Variants in SF3B3 observed in about 807,000 individuals in gnomAD.
The protein encoded by SF3B3 is SAP 130.
Under a neutral mutation model 139.2 loss-of-function variants are expected in SF3B3, and 33 were observed. The observed-to-expected ratio is 0.24, with a 90% CI of 0.18 to 0.32. The LOEUF is 0.32. Ranked by LOEUF, SF3B3 falls within the 10% of genes least tolerant of loss-of-function variation. SF3B3 has a pLI of 1.00. For missense variants in SF3B3, 818 were observed against 1,509.4 expected, an observed-to-expected ratio of 0.54 and a Z score of 7.59; for synonymous variants, 596 against 563.6, an observed-to-expected ratio of 1.06 and a Z score of -0.81.
intron 21 of SF3B3, 64 bp from the exon 22 acceptor site, chr16:70,568,219 G>A (rs2050495325): frequency 1.6e-6 from 2 of 1,263,764 alleles, no homozygotes; most frequent in South Asian, 1.2e-5. Context: ...GGAAAGCTGG[G>A]CTTTCTTTGG....
rs532130782 is a variant in SF3B3, at chr16:70,529,136, T to G, written c.334T>G (p.Cys112Gly). ...IHQETFGKSG[C>G]RRIVPGQFLA... ...CCAAGAAACCTTTGGCAAGAGTGGA[T>G]GCCGTCGCATCGTTCCTGGCCAGTT... is the stretch of plus-strand genomic sequence containing the variant. Residue 112 changes from cysteine (C) to glycine (G), a missense_variant, in exon 3 of 26, where the codon TGC (cysteine) becomes GGC (glycine). Coordinates refer to ENST00000302516, the MANE Select transcript of SF3B3 (RefSeq NM_012426.5). The G allele has an allele frequency of 1.9e-6, 3 of 1,614,238 alleles. No homozygotes were observed. The East Asian group carries it at 6.7e-5, about 36-fold the overall frequency.
At chr16:70,560,353 A>G (rs1440459772) in intron 15 of SF3B3, 116 bp from the exon 16 acceptor site, 6 of 1,075,000 alleles carry the variant, frequency 5.6e-6, no homozygotes, top group Non-Finnish European at 7.9e-6. Context: ...TTAAACACCC[A>G]AGTCATTTCT....
In SF3B3 at chr16:70,557,037, A is replaced by G; in HGVS notation, c.2010+8A>G. On this transcript the variant is annotated splice_region_variant and intron_variant, in intron 15 of 25. Coordinates refer to ENST00000302516, the MANE Select transcript of SF3B3 (RefSeq NM_012426.5). ...CTGAATATTGGGCTACAGGTAAGAGATCCAGAGGCCCACATTGTGGACATT... is the reference window on the plus strand; with the variant it reads ...CTGAATATTGGGCTACAGGTAAGAGGTCCAGAGGCCCACATTGTGGACATT... 2 of 1,600,008 alleles carry G rather than the reference A, an allele frequency of 1.2e-6. No individual in the cohort carries two copies. The highest frequency in any genetic ancestry group is 1.7e-6 in the Non-Finnish European group (2 of 1,174,616).
intron 14 of SF3B3, 53 bp downstream of exon 14, chr16:70,556,387 G>A: frequency 6.3e-7 from 1 of 1,598,502 alleles, no homozygotes; most frequent in Non-Finnish European, 8.6e-7. Flanking sequence ...TGAGCATCTG[G>A]CTCCTGATGT....
At chr16:70,541,865 T>C in intron 9 of SF3B3, 31 bp downstream of exon 9, 1 of 1,590,922 alleles carries the variant, frequency 6.3e-7, no homozygotes, top group Non-Finnish European at 8.6e-7. Flanking sequence ...CCTTCCACAA[T>C]AGATCTAAAG....
rs1260396222 is a variant in SF3B3, at chr16:70,544,518, A to G, written c.1314A>G (p.Leu438=). 4 of 1,603,800 alleles carry G rather than the reference A, an allele frequency of 2.5e-6. No individual in the cohort carries two copies. The highest frequency in any genetic ancestry group is 3.4e-6 in the Non-Finnish European group (4 of 1,170,706). Residue 438 remains leucine, a synonymous_variant, in exon 10 of 26, where the codon CTA becomes CTG. Coordinates refer to ENST00000302516, the MANE Select transcript of SF3B3 (RefSeq NM_012426.5). ...GRGPRSSLRV[L]RHGLEVSEMA... Reference sequence around the variant, plus strand: ...GACCCCGATCATCTCTGAGAGTCCTAAGACATGGACTTGAGGTAAGGTTGC... The same window carrying G: ...GACCCCGATCATCTCTGAGAGTCCTGAGACATGGACTTGAGGTAAGGTTGC...
chr16:70,569,022 A>T, intron 22 of SF3B3, 21 bp from the exon 23 acceptor site: 11 of 1,576,488 alleles, frequency 7.0e-6, no homozygotes, highest in Non-Finnish European at 9.5e-6. Flanking sequence ...CAGCAGTGTG[A>T]CTTGTGTCAC....
chr16:70,524,009 G>C (rs962890404), intron 1 of SF3B3, 81 bp downstream of exon 1: 1 of 421,406 alleles, frequency 2.4e-6, no homozygotes, highest in Non-Finnish European at 4.2e-6. Flanking sequence ...AGACTTTGGC[G>C]GGGGTCACGG....
At chr16:70,531,389 T>TGC (rs1237327778) in intron 4 of SF3B3, among the ~76,000 whole-genome samples, 2 of 152,166 alleles carry the variant, frequency 1.3e-5, no homozygotes, top group African/African-American at 4.8e-5. Context: ...CTGCAACCTC[T>TGC]GCCTCAGCCT....
rs1237184764 is a variant in SF3B3 at position 70,565,660 on chromosome 16, TG to T, written c.2826+140del. ...TCTCTTACCAGCACATGGAAAATGC[TG>T]GGGCCTTCTAGCTGCAGTGATGTTC... On this transcript the variant is annotated intron_variant, in intron 20 of 25. Transcript: ENST00000302516. 1.0e-5 allele frequency: 8 copies of T among 774,562 alleles called. No homozygotes were observed. The East Asian group carries it at 1.9e-4, about 18-fold the overall frequency. 48.0% of individuals were successfully genotyped at this position (774,562 alleles called of 1,614,324 possible). A position where few individuals can be genotyped will look rare whatever the true frequency, so the allele number is the denominator to read the frequency against.
intron 1 of SF3B3, among the ~76,000 whole-genome samples, chr16:70,525,565 C>T (rs2050053956): frequency 6.6e-6 from 1 of 152,150 alleles, no homozygotes; most frequent in Non-Finnish European, 1.5e-5. Context: ...AGAAGCAGCT[C>T]CTAGCTTCCT....
intron 22 of SF3B3, among the ~76,000 whole-genome samples, 191 bp from the exon 23 acceptor site, chr16:70,568,852 T>C (rs1277922844): frequency 6.6e-6 from 1 of 152,232 alleles, no homozygotes; most frequent in Admixed American, 6.5e-5. Context: ...CATGGGTCGA[T>C]TCTTTTGAGT....
chr16:70,552,113 C>T (rs1176997837), intron 11 of SF3B3, among the ~76,000 whole-genome samples: 1 of 152,148 alleles, frequency 6.6e-6, no homozygotes, highest in East Asian at 1.9e-4. Flanking sequence ...AGGCACCCCT[C>T]CTCCCTTCTT....
At chr16:70,555,323 C>G in intron 13 of SF3B3, 117 bp downstream of exon 13, 2 of 963,470 alleles carry the variant, frequency 2.1e-6, no homozygotes, top group Non-Finnish European at 3.2e-6. Flanking sequence ...ACTAAAAATA[C>G]AAAAATTAGC....
chr16:70,563,906 C>G lies in SF3B3; in HGVS notation c.2319C>G (p.Val773=), dbSNP rs753759010. ...RILALEKLGA[V]FNQVAFPLQY... ...TGGCATTAGAGAAGCTCGGTGCTGT[C>G]TTCAATCAAGTAGCCTTCCCACTGC... Residue 773 remains valine (V), a synonymous_variant, in exon 18 of 26, where the codon GTC becomes GTG. Coordinates refer to ENST00000302516, the MANE Select transcript of SF3B3 (RefSeq NM_012426.5). The G allele has an allele frequency of 1.3e-5, 21 of 1,613,976 alleles. No homozygotes were observed. Among genetic ancestry groups the G allele is most frequent in the African/African-American group, 4.0e-5 (3 of 74,890 alleles).
At chr16:70,556,746 ACT>A in intron 14 of SF3B3, 138 bp from the exon 15 acceptor site, 1 of 787,160 alleles carries the variant, frequency 1.3e-6, no homozygotes, top group East Asian at 2.7e-5. Context: ...ATAACTCAGT[ACT>A]CTCTTAGAAC....
intron 5 of SF3B3, among the ~76,000 whole-genome samples, chr16:70,533,272 T>C (rs2050138077): frequency 6.6e-6 from 1 of 152,170 alleles, no homozygotes; most frequent in Non-Finnish European, 1.5e-5. Context: ...GGAGCATCAC[T>C]TGATCTCAGG....
Position 70,573,158 on chromosome 16 carries a change from A to T in SF3B3, c.*1345A>T, listed in dbSNP as rs944762992. 6.6e-6 allele frequency: 1 copy of T among 152,204 alleles called. No homozygotes were observed. Among genetic ancestry groups the T allele is most frequent in the South Asian group, 2.1e-4 (1 of 4,830 alleles). The allele number at this position is 152,204 out of a possible 1,614,324, so 9.4% of individuals were successfully genotyped here. On this transcript the variant is annotated 3_prime_UTR_variant, in exon 26 of 26. Transcript: ENST00000302516. ...TCATGACTTGGTTTTAGATCAGTCAAGAGAGACCCAGGTTTTGCCAGGAAT... is the reference window on the plus strand; with the variant it reads ...TCATGACTTGGTTTTAGATCAGTCATGAGAGACCCAGGTTTTGCCAGGAAT...
chr16:70,555,348 T>A, intron 13 of SF3B3, 142 bp downstream of exon 13: 2 of 735,110 alleles, frequency 2.7e-6, no homozygotes, highest in Non-Finnish European at 4.5e-6. Context: ...CGTGTTGGCA[T>A]GCACCTTGTA....
Sources: allele counts gnomAD v4.1 joint callset (sites outside exome capture counted in the v4.1 genomes callset), GRCh38; gene constraint gnomAD v4.1.1; transcripts MANE v1.5; gene names NCBI Gene and HGNC (gene_info 2026-07-23, HGNC 2026-07-21).